SAE1: variants seen among roughly 807,000 people sequenced by gnomAD.
The protein encoded by SAE1 is SUMO1 activating enzyme subunit 1.
SAE1 carries 11 observed loss-of-function variants against 40.6 expected under a neutral mutation model. The ratio of observed to expected loss-of-function variants is 0.27; its 90% CI spans 0.17 to 0.45. The LOEUF is 0.45. Ranked by LOEUF, SAE1 falls within the 20% of genes least tolerant of loss-of-function variation. The pLI is 1.00. For synonymous variants in SAE1, 155 were observed against 154.3 expected, an observed-to-expected ratio of 1.00 and a Z score of -0.03; for missense variants, 373 against 427.3, an observed-to-expected ratio of 0.87 and a Z score of 1.12.
At chr19:47,201,360 C>CTTTTTTT (rs57568797) in intron 7 of SAE1, among the ~76,000 whole-genome samples, 734 of 66,188 alleles carry the variant, frequency 0.011, 118 homozygotes, top group Admixed American at 0.021. Context: ...TATCTGGTTC[C>CTTTTTTT]TTTTTTTTTT....
intron 7 of SAE1, among the ~76,000 whole-genome samples, chr19:47,201,193 C>T (rs1029723096): frequency 9.2e-5 from 14 of 151,736 alleles, no homozygotes; most frequent in South Asian, 4.2e-4. Flanking sequence ...GGACTACAGG[C>T]GCGTGCCACC....
chr19:47,169,780 A>G lies in SAE1; in HGVS notation c.628-38A>G, dbSNP rs368789052. 6.2e-4 allele frequency: 830 copies of G among 1,345,214 alleles called. 1 individual carries two copies. Among genetic ancestry groups the G allele is most frequent in the South Asian group, 1.4e-3 (123 of 85,608 alleles). The allele number at this position is 1,345,214 out of a possible 1,614,324, so 83.3% of individuals were successfully genotyped here. On this transcript the variant is annotated intron_variant, in intron 5 of 8. Coordinates refer to ENST00000270225, the MANE Select transcript of SAE1 (RefSeq NM_005500.3). The stretch of plus-strand genomic sequence containing the variant: ...AACTGCCTTGTGATTGGAAGCCAGC[A>G]TATGTTATTCCTAAGCAGTTCTGCC...
chr19:47,142,199 C>T (rs1353629763), intron 1 of SAE1, among the ~76,000 whole-genome samples: 1 of 151,942 alleles, frequency 6.6e-6, no homozygotes, highest in Non-Finnish European at 1.5e-5. Flanking sequence ...GCCTGAACAA[C>T]ATGGTGAAAC....
chr19:47,195,732 T>TC (rs1264865247), intron 6 of SAE1, among the ~76,000 whole-genome samples: 1 of 130,878 alleles, frequency 7.6e-6, no homozygotes, highest in African/African-American at 3.0e-5. Context: ...TTCCTTTTTT[T>TC]CTTCTTTTTT....
chr19:47,196,867 TCTGA>T (rs1314852451), intron 6 of SAE1, among the ~76,000 whole-genome samples: 4 of 151,952 alleles, frequency 2.6e-5, no homozygotes, highest in Non-Finnish European at 2.9e-5. Context: ...GGATTGCCTC[TCTGA>T]CTATGTTTGT....
intron 6 of SAE1, chr19:47,180,087 A>C (rs573807228): frequency 2.3e-6 from 1 of 433,068 alleles, no homozygotes; most frequent in East Asian, 7.1e-5. Context: ...TTATACGTAG[A>C]TGTAGTAATA....
intron 6 of SAE1, among the ~76,000 whole-genome samples, chr19:47,189,799 G>C (rs1265252474): frequency 6.6e-6 from 1 of 152,122 alleles, no homozygotes; most frequent in African/African-American, 2.4e-5. Context: ...TCCTACTAAA[G>C]TACTGGTTTA....
At chr19:47,160,475 A>G (rs190413145) in intron 5 of SAE1, among the ~76,000 whole-genome samples, 1 of 147,914 alleles carries the variant, frequency 6.8e-6, no homozygotes, top group East Asian at 2.0e-4. Context: ...GCTCACTGCA[A>G]GCTCCACCTC....
chr19:47,149,376 G>A (rs1449277078), intron 2 of SAE1, among the ~76,000 whole-genome samples: 1 of 151,418 alleles, frequency 6.6e-6, no homozygotes, highest in African/African-American at 2.4e-5. Flanking sequence ...TCACCATGTT[G>A]GCCAGGTTGG....
At chr19:47,164,415 C>T (rs2058377497) in intron 5 of SAE1, among the ~76,000 whole-genome samples, 1 of 152,208 alleles carries the variant, frequency 6.6e-6, no homozygotes, top group Non-Finnish European at 1.5e-5. Context: ...GATCCGCCCG[C>T]CTTGGCCTCC....
intron 8 of SAE1, among the ~76,000 whole-genome samples, chr19:47,207,882 C>A (rs771064720): frequency 1.3e-5 from 2 of 152,116 alleles, no homozygotes; most frequent in Non-Finnish European, 2.9e-5. Context: ...GTGATTCTCC[C>A]GCCTCGGCCT....
chr19:47,197,595 C>T lies in SAE1; in HGVS notation c.878+218C>T, dbSNP rs374094942. Among the ~76,000 whole-genome samples, 8 of 152,308 alleles carry T rather than the reference C, an allele frequency of 5.3e-5. No homozygotes were observed. The East Asian group carries it at 5.8e-4, about 11-fold the overall frequency. On this transcript the variant is annotated intron_variant, in intron 7 of 8. Coordinates refer to ENST00000270225, the MANE Select transcript of SAE1 (RefSeq NM_005500.3). Reference sequence around the variant, plus strand: ...TTTTACAATAAGTATCTTATATTCACGTGGTTCAAAATTCAAGGCAATGTA... The same window carrying T: ...TTTTACAATAAGTATCTTATATTCATGTGGTTCAAAATTCAAGGCAATGTA...
chr19:47,174,563 A>ATTTTTTTTTT (rs71180803), intron 6 of SAE1, among the ~76,000 whole-genome samples: 3 of 88,526 alleles, frequency 3.4e-5, no homozygotes, highest in African/African-American at 1.5e-4. Flanking sequence ...CGCCTGGCAA[A>ATTTTTTTTTT]TTTTTTTTTT....
chr19:47,186,591 A>C (rs2058545931), intron 6 of SAE1, among the ~76,000 whole-genome samples: 1 of 152,114 alleles, frequency 6.6e-6, no homozygotes. Context: ...TTGGTAAGCA[A>C]AAAATGGCAT....
chr19:47,143,447 C>A, intron 1 of SAE1, 47 bp from the exon 2 acceptor site: 1 of 1,462,362 alleles, frequency 6.8e-7, no homozygotes, highest in Non-Finnish European at 9.6e-7. Flanking sequence ...TGTGATTCTG[C>A]AAGCTCACTG....
chr19:47,141,663 G>A (rs1600150283), intron 1 of SAE1, among the ~76,000 whole-genome samples: 2 of 152,046 alleles, frequency 1.3e-5, no homozygotes, highest in East Asian at 1.9e-4. Flanking sequence ...GCGTAGGTAG[G>A]CATTGAGAGG....
intron 5 of SAE1, among the ~76,000 whole-genome samples, chr19:47,165,638 G>T (rs1330069671): frequency 2.6e-5 from 4 of 152,212 alleles, no homozygotes; most frequent in African/African-American, 4.8e-5. Flanking sequence ...GCATTGTCGG[G>T]TGTATTTTTT....
At chr19:47,172,068 A>C (rs957186686) in intron 6 of SAE1, among the ~76,000 whole-genome samples, 7 of 150,134 alleles carry the variant, frequency 4.7e-5, no homozygotes, top group African/African-American at 1.7e-4. Flanking sequence ...ACAGGTGCCC[A>C]CCAGCACACC....
chr19:47,157,904 T>C (rs191395779), intron 5 of SAE1, among the ~76,000 whole-genome samples: 1 of 152,208 alleles, frequency 6.6e-6, no homozygotes, highest in African/African-American at 2.4e-5. Context: ...GCGGACCGAC[T>C]GGGCTGGACT....
Sources: gnomAD v4.1 joint callset for allele counts (sites outside exome capture counted in the v4.1 genomes callset) on GRCh38, gnomAD v4.1.1 for gene constraint, MANE v1.5 for transcripts, NCBI Gene and HGNC (gene_info 2026-07-23, HGNC 2026-07-21) for gene names.